The following GGA3 variants were observed in gnomAD, a reference collection of about 807,000 sequenced individuals.
The protein encoded by GGA3 is golgi associated, gamma adaptin ear containing, ARF binding protein 3, also known as ADP-ribosylation factor-binding protein GGA3.
A neutral mutation model predicts 77.5 loss-of-function variants in GGA3; 57 were observed. That is an observed-to-expected ratio of 0.74 (90% CI 0.59 to 0.92). GGA3 has a LOEUF of 0.92. Among genes scored for constraint, GGA3 ranks in the 40% least tolerant of loss-of-function variants. The probability of loss-of-function intolerance (pLI) is 0.00; values close to 1 mark genes in which losing one functional copy is unlikely to be tolerated. For synonymous variants in GGA3, 416 were observed against 383.7 expected, an observed-to-expected ratio of 1.08 and a Z score of -0.98; for missense variants, 970 against 914.9, an observed-to-expected ratio of 1.06 and a Z score of -0.78.
chr17:75,239,662 GC>G (rs1194499905), intron 13 of GGA3, 91 bp from the exon 14 acceptor site: 6 of 1,446,648 alleles, frequency 4.1e-6, no homozygotes, highest in Non-Finnish European at 5.8e-6. Context: ...TCTTACCCAG[GC>G]CCACCCCTTG....
At chr17:75,240,770 G>C (rs776354208) in intron 11 of GGA3, 42 bp downstream of exon 11, 1 of 1,568,016 alleles carries the variant, frequency 6.4e-7, no homozygotes, top group Non-Finnish European at 8.6e-7. Context: ...TCCTCCCAGA[G>C]CCCTGTCAGG....
intron 8 of GGA3, 49 bp from the exon 9 acceptor site, chr17:75,241,745 T>A: frequency 1.9e-5 from 26 of 1,386,824 alleles, no homozygotes; most frequent in Non-Finnish European, 2.6e-5. Flanking sequence ...CCCTTAGAGA[T>A]CATCTGATTC....
At chr17:75,239,169 G>T in intron 14 of GGA3, 86 bp from the exon 15 acceptor site, 2 of 1,293,936 alleles carry the variant, frequency 1.5e-6, no homozygotes, top group Non-Finnish European at 2.1e-6. Flanking sequence ...GGGCTACTCC[G>T]TGGTCATGAT....
chr17:75,237,390 G>T lies in GGA3; in HGVS notation c.*889C>A. The T allele has an allele frequency of 1.7e-6, 2 of 1,184,358 alleles. No individual in the cohort carries two copies. The highest frequency in any genetic ancestry group is 2.4e-6 in the Non-Finnish European group (2 of 825,754). 73.4% of individuals were successfully genotyped at this position (1,184,358 alleles called of 1,614,324 possible). A position where few individuals can be genotyped will look rare whatever the true frequency, so the allele number is the denominator to read the frequency against. On this transcript the variant is annotated 3_prime_UTR_variant, in exon 17 of 17. Coordinates refer to ENST00000537686, the MANE Select transcript of GGA3 (RefSeq NM_138619.4). The stretch of plus-strand genomic sequence containing the variant: ...ATGCCATCTGGTGAGAGGAGAGGGA[G>T]GCCAAAGCAGTAGGATGTAGAGTGG...
At chr17:75,260,929 G>A (rs538458624) in intron 1 of GGA3, among the ~76,000 whole-genome samples, 1 of 152,172 alleles carries the variant, frequency 6.6e-6, no homozygotes, top group South Asian at 2.1e-4. Flanking sequence ...TGTGTGGGGG[G>A]GGAATTCCCG....
Position 75,239,008 on chromosome 17 carries a change from G to A in GGA3, c.1856C>T (p.Pro619Leu). The A allele has an allele frequency of 1.2e-6, 2 of 1,614,068 alleles. No homozygotes were observed. Among genetic ancestry groups the A allele is most frequent in the South Asian group, 1.1e-5 (1 of 91,086 alleles). ...CACCACCAGCACGTCAGGTCGTCCTGGGGGACACTCCTTGGCAAAGTGGAA... is the reference window on the plus strand; with the variant it reads ...CACCACCAGCACGTCAGGTCGTCCTAGGGGACACTCCTTGGCAAAGTGGAA... ...ILFHFAKECPPGRPDVLVVVV... is the reference protein window; with the variant it reads ...ILFHFAKECPLGRPDVLVVVV... Residue 619 changes from proline to leucine, a missense_variant, in exon 15 of 17, where the codon CCA becomes CTA. By Grantham distance (98) the Pro-to-Leu change is moderately conservative. Transcript: ENST00000537686.
At chr17:75,254,558 G>A (rs189757956) in intron 1 of GGA3, among the ~76,000 whole-genome samples, 280 of 152,198 alleles carry the variant, frequency 1.8e-3, no homozygotes, top group African/African-American at 6.2e-3. Flanking sequence ...TCAAAGGGCC[G>A]TCTTATTCTC....
At chr17:75,241,298 T>A in intron 10 of GGA3, 102 bp downstream of exon 10, 1 of 835,560 alleles carries the variant, frequency 1.2e-6, no homozygotes. Context: ...CCCTTGGGCC[T>A]TGTGCAACAC....
At chr17:75,253,038 A>G (rs1177202690) in intron 1 of GGA3, among the ~76,000 whole-genome samples, 1 of 152,204 alleles carries the variant, frequency 6.6e-6, no homozygotes, top group Non-Finnish European at 1.5e-5. Context: ...GTCTCTTCAC[A>G]TGGACGCGCA....
intron 6 of GGA3, 71 bp downstream of exon 6, chr17:75,242,992 A>G (rs1483737940): frequency 6.8e-7 from 1 of 1,481,230 alleles, no homozygotes; most frequent in African/African-American, 1.4e-5. Context: ...CCCGCAGCAC[A>G]GTGCAAACCA....
intron 14 of GGA3, 136 bp from the exon 15 acceptor site, chr17:75,239,219 A>G (rs1246808927): frequency 2.0e-6 from 2 of 979,722 alleles, no homozygotes; most frequent in African/African-American, 3.3e-5. Flanking sequence ...AGAGGCGCTC[A>G]GTGAGGAGCT....
intron 2 of GGA3, 36 bp downstream of exon 2, chr17:75,246,676 C>T (rs1267920209): frequency 1.3e-6 from 2 of 1,599,208 alleles, no homozygotes; most frequent in African/African-American, 1.3e-5. Flanking sequence ...TCCCAGTCCG[C>T]TCCCTCTCAG....
At chr17:75,238,803 C>G in intron 15 of GGA3, 41 bp from the exon 16 acceptor site, 1 of 1,573,184 alleles carries the variant, frequency 6.4e-7, no homozygotes, top group Non-Finnish European at 8.7e-7. Context: ...CTGGTAGGTG[C>G]CCCCAGATGG....
Position 75,241,709 on chromosome 17 carries a change from C to G in GGA3, c.748-13G>C. ...GATCAAACAGCTCCTGAAAGAGACT[C>G]GGACATAAAAATCAAACCACAAAGG... On this transcript the variant is annotated splice_polypyrimidine_tract_variant and intron_variant, in intron 8 of 16. Transcript: ENST00000537686. The G allele has an allele frequency of 6.2e-7, 1 of 1,611,834 alleles. No homozygotes were observed.
In GGA3 at chr17:75,240,812, C is replaced by G; in HGVS notation, c.1192G>C (p.Gly398Arg). The G allele has an allele frequency of 6.2e-7, 1 of 1,609,642 alleles. No homozygotes were observed. The highest frequency in any genetic ancestry group is 1.3e-5 in the African/African-American group (1 of 74,958). The change falls in exon 11 of 17, where the codon GGC becomes CGC. Residue 398 changes from glycine to arginine, a missense_variant and splice_region_variant. Gly to Arg is a moderately radical substitution (Grantham distance 125). Coordinates refer to ENST00000537686, the MANE Select transcript of GGA3 (RefSeq NM_138619.4). ...CCCTGACGCCCCCTGTGGGCCGCAC[C>G]CAAGCAGAGTAGCTCCTCGTCCAGC... Reference protein sequence around the residue: ...SWLDEELLCLGLADPAPNVPP... With the variant: ...SWLDEELLCLRLADPAPNVPP...
intron 1 of GGA3, chr17:75,248,764 C>T (rs1598420635): frequency 1.3e-6 from 1 of 760,434 alleles, no homozygotes; most frequent in Non-Finnish European, 1.6e-6. Context: ...CCAGCCTGGG[C>T]AACAAGTGAA....
chr17:75,258,015 AATG>A (rs1323778889), intron 1 of GGA3, among the ~76,000 whole-genome samples: 3 of 152,182 alleles, frequency 2.0e-5, no homozygotes, highest in Admixed American at 2.0e-4. Flanking sequence ...CTAACTGATC[AATG>A]TACTTTGTAA....
In GGA3 at chr17:75,239,034, G is replaced by T; in HGVS notation, c.1830C>A (p.Leu610=). 1.2e-6 allele frequency: 2 copies of T among 1,614,070 alleles called. No homozygotes were observed. Among genetic ancestry groups the T allele is most frequent in the Non-Finnish European group, 1.7e-6 (2 of 1,180,004 alleles). Residue 610 remains leucine (L), a synonymous_variant, in exon 15 of 17, where the codon CTC becomes CTA. Coordinates refer to ENST00000537686, the MANE Select transcript of GGA3 (RefSeq NM_138619.4). The stretch of plus-strand genomic sequence containing the variant: ...GGGGACACTCCTTGGCAAAGTGGAA[G>T]AGGATGCGGAAGCCGTTTTTATCGT... ...TAYDKNGFRI[L]FHFAKECPPG...
At chr17:75,249,104 G>A in intron 1 of GGA3, 1 of 594,504 alleles carries the variant, frequency 1.7e-6, no homozygotes, top group Non-Finnish European at 2.1e-6. Flanking sequence ...GGAGTGCAGT[G>A]GCGCGATCTA....
Sources: gnomAD v4.1 joint callset for allele counts (sites outside exome capture counted in the v4.1 genomes callset) on GRCh38, gnomAD v4.1.1 for gene constraint, MANE v1.5 for transcripts, NCBI Gene and HGNC (gene_info 2026-07-23, HGNC 2026-07-21) for gene names.